Variants in TRAPPC9 observed in about 807,000 individuals in gnomAD.
The protein encoded by TRAPPC9 is trafficking protein particle complex subunit 9.
In TRAPPC9, 83 loss-of-function variants were observed where a neutral mutation model predicts 124.0. The ratio of observed to expected loss-of-function variants is 0.67; its 90% CI spans 0.56 to 0.80. The LOEUF is 0.80. Ranked by LOEUF, TRAPPC9 falls within the 30% of genes least tolerant of loss-of-function variation. The probability of loss-of-function intolerance (pLI) is 0.00; values close to 1 mark genes in which losing one functional copy is unlikely to be tolerated. For synonymous variants in TRAPPC9, 638 were observed against 617.5 expected (o/e 1.03, Z -0.49); for missense variants, 1,302 against 1,508.3 (o/e 0.86, Z 2.27).
chr8:139,830,236 G>GCA (rs747656627), intron 21 of TRAPPC9, among the ~76,000 whole-genome samples: 1 of 150,828 alleles, frequency 6.6e-6, no homozygotes, highest in African/African-American at 2.4e-5. Flanking sequence ...GCATACACAT[G>GCA]CACACACACA....
intron 19 of TRAPPC9, among the ~76,000 whole-genome samples, chr8:139,928,363 G>A (rs1832930044): frequency 1.3e-5 from 2 of 152,114 alleles, no homozygotes; most frequent in East Asian, 1.9e-4. Flanking sequence ...GTGGTGGTGG[G>A]TGCCTGTAAT....
At chr8:140,149,453 C>CG (rs2061508745) in intron 17 of TRAPPC9, among the ~76,000 whole-genome samples, 8 of 152,206 alleles carry the variant, frequency 5.3e-5, no homozygotes, top group African/African-American at 1.4e-4. Context: ...AACCCTGTCT[C>CG]TACTAAAAAT....
In TRAPPC9 at chr8:140,097,962, C is replaced by T. The variant is rs2060485736; in HGVS notation, c.2557-73883G>A. On this transcript the variant is annotated intron_variant, in intron 17 of 22. Transcript: ENST00000438773. This position sits in a 1 kb window ranked among gnomAD's most constrained non-coding sequence, Gnocchi z 4.2. ...TGCCCACCAACATACGCAGTCGCAC[C>T]CTTGCCGCAGTCCGCACAGTAAAGA... The T allele has an allele frequency of 6.6e-6, 1 of 152,362 alleles. No individual in the cohort carries two copies. The highest frequency in any genetic ancestry group is 1.5e-5 in the Non-Finnish European group (1 of 68,154). 9.4% of individuals were successfully genotyped at this position (152,362 alleles called of 1,614,324 possible). A position where few individuals can be genotyped will look rare whatever the true frequency, so the allele number is the denominator to read the frequency against.
intron 21 of TRAPPC9, among the ~76,000 whole-genome samples, chr8:139,823,631 G>A (rs539193431): frequency 7.1e-4 from 108 of 152,272 alleles, no homozygotes; most frequent in Non-Finnish European, 1.4e-3. Flanking sequence ...ATGCACGGGG[G>A]TCTCTCCCAG....
At chr8:139,959,350 T>C (rs1471656521) in intron 19 of TRAPPC9, among the ~76,000 whole-genome samples, 1 of 152,224 alleles carries the variant, frequency 6.6e-6, no homozygotes, top group East Asian at 1.9e-4. Flanking sequence ...CAGGTACTCT[T>C]TTGGGAGCCA....
At chr8:140,210,442 G>C (rs949924222) in intron 17 of TRAPPC9, among the ~76,000 whole-genome samples, 3 of 152,154 alleles carry the variant, frequency 2.0e-5, no homozygotes, top group Non-Finnish European at 2.9e-5. Flanking sequence ...GGAGGGAAGT[G>C]GGGGGTTCCT....
Position 140,291,038 on chromosome 8 carries a change from C to T in TRAPPC9, c.1809G>A (p.Leu603=), listed in dbSNP as rs146235874. 4.0e-4 allele frequency: 642 copies of T among 1,614,244 alleles called. 5 individuals are homozygous for T. The East Asian group carries it at 0.013, about 34-fold the overall frequency. ...WVQGDVCEVQ[L]MVYNPMPFEL... ...CAAACGGCATTGGGTTATATACCAT[C>T]AGCTGAACTTCACACACATCTCCTT... The change falls in exon 12 of 23, where the codon CTG becomes CTA. Residue 603 remains leucine, a synonymous_variant. Coordinates refer to ENST00000438773, the MANE Select transcript of TRAPPC9 (RefSeq NM_001160372.4).
intron 17 of TRAPPC9, among the ~76,000 whole-genome samples, chr8:140,075,671 T>A (rs1843466808): frequency 6.6e-6 from 1 of 152,176 alleles, no homozygotes; most frequent in African/African-American, 2.4e-5. Flanking sequence ...CACAGCATCA[T>A]CCCCCTTCTT....
intron 19 of TRAPPC9, among the ~76,000 whole-genome samples, chr8:139,966,213 A>T (rs1210413513): frequency 6.6e-6 from 1 of 152,152 alleles, no homozygotes; most frequent in East Asian, 1.9e-4. Flanking sequence ...CAGTCATCCC[A>T]TTCCACCCCA....
Position 139,731,209 on chromosome 8 carries a change from G to A in TRAPPC9, c.3299C>T (p.Ser1100Leu), listed in dbSNP as rs199842078. 2.0e-5 allele frequency: 33 copies of A among 1,613,412 alleles called. No homozygotes were observed. Among genetic ancestry groups the A allele is most frequent in the East Asian group, 4.5e-5 (2 of 44,852 alleles). ...YLDAVQPSGQ[S>L]ACLGALLFLY... Reference sequence around the variant, plus strand: ...GAAGAGGAGGGCCCCGAGGCAGGCCGACTGGCCGGACGGCTGCACCTGAGC... The same window carrying A: ...GAAGAGGAGGGCCCCGAGGCAGGCCAACTGGCCGGACGGCTGCACCTGAGC... Residue 1100 changes from serine (S) to leucine (L), a missense_variant, in exon 23 of 23, where the codon TCG (serine) becomes TTG (leucine). Around this residue, in one of 3 missense-constraint regions of TRAPPC9, gnomAD observed 640 missense variants for 679.3 expected, o/e 0.94. Coordinates refer to ENST00000438773, the MANE Select transcript of TRAPPC9 (RefSeq NM_001160372.4).
chr8:140,311,594 G>T (rs2066300476), intron 9 of TRAPPC9, among the ~76,000 whole-genome samples: 1 of 152,124 alleles, frequency 6.6e-6, no homozygotes, highest in South Asian at 2.1e-4. Flanking sequence ...GGATAAAAGG[G>T]AAATTAAGTT....
At chr8:140,187,684 GT>G (rs1027987097) in intron 17 of TRAPPC9, among the ~76,000 whole-genome samples, 3 of 151,816 alleles carry the variant, frequency 2.0e-5, no homozygotes, top group African/African-American at 7.3e-5. Flanking sequence ...CCTGTTGGTG[GT>G]TTTTTTTAAG....
chr8:140,169,692 G>T (rs2061927599), intron 17 of TRAPPC9, among the ~76,000 whole-genome samples: 1 of 152,176 alleles, frequency 6.6e-6, no homozygotes, highest in Non-Finnish European at 1.5e-5. Context: ...TCCGTTTATA[G>T]GAAACATTCA....
intron 21 of TRAPPC9, among the ~76,000 whole-genome samples, chr8:139,866,268 C>T (rs12543814): frequency 0.37 from 56,204 of 152,098 alleles, 11,087 homozygotes; most frequent in East Asian, 0.67. Context: ...TCCACCCCCA[C>T]GTCCCATGAT....
intron 20 of TRAPPC9, among the ~76,000 whole-genome samples, chr8:139,898,640 C>T (rs1378866793): frequency 6.6e-6 from 1 of 152,170 alleles, no homozygotes; most frequent in African/African-American, 2.4e-5. Context: ...ACACTCAACT[C>T]AGAGCCACAT....
chr8:140,261,512 A>AATTAATTG (rs1399341749), intron 15 of TRAPPC9, among the ~76,000 whole-genome samples: 4 of 152,224 alleles, frequency 2.6e-5, no homozygotes, highest in Admixed American at 1.3e-4. Context: ...CTGCTTGCTG[A>AATTAATTG]ATTAATTGCC....
chr8:140,069,392 G>T (rs1843028625), intron 17 of TRAPPC9, among the ~76,000 whole-genome samples: 1 of 152,150 alleles, frequency 6.6e-6, no homozygotes, highest in South Asian at 2.1e-4. Flanking sequence ...AACGGCGGGG[G>T]TGGAATTTGG....
chr8:140,233,384 T>C (rs2063649876), intron 16 of TRAPPC9, among the ~76,000 whole-genome samples: 1 of 152,046 alleles, frequency 6.6e-6, no homozygotes, highest in Admixed American at 6.5e-5. Context: ...TTTTGTGTTT[T>C]TAGTAGAGAC....
intron 3 of TRAPPC9, among the ~76,000 whole-genome samples, chr8:140,438,086 C>A (rs2070881704): frequency 6.6e-6 from 1 of 152,164 alleles, no homozygotes; most frequent in South Asian, 2.1e-4. Context: ...AACTGTGCAA[C>A]CATCACCACT....
Sources: allele counts gnomAD v4.1 joint callset (sites outside exome capture counted in the v4.1 genomes callset), GRCh38; gene constraint gnomAD v4.1.1; regional missense constraint gnomAD v4.1.1; non-coding constraint Gnocchi (gnomAD v3.1); transcripts MANE v1.5; gene names NCBI Gene and HGNC (gene_info 2026-07-23, HGNC 2026-07-21).